CHD7: variants seen among roughly 807,000 people sequenced by gnomAD.
CHD7 encodes the protein chromodomain helicase DNA binding protein 7.
In CHD7, 24 loss-of-function variants were observed where a neutral mutation model predicts 307.3. The observed-to-expected ratio is 0.08, with a 90% CI of 0.06 to 0.11. The LOEUF (loss-of-function observed/expected upper bound fraction) is 0.11, where lower values mean the gene tolerates loss of function less well. CHD7 is among the 10% of genes least tolerant of loss of function. The pLI is 1.00. For missense variants in CHD7, 3,106 were observed against 3,727.1 expected, an observed-to-expected ratio of 0.83 and a Z score of 4.34; for synonymous variants, 1,363 against 1,349.9, an observed-to-expected ratio of 1.01 and a Z score of -0.21.
intron 1 of CHD7, among the ~76,000 whole-genome samples, chr8:60,696,414 T>C (rs1462854708): frequency 6.6e-6 from 1 of 152,238 alleles, no homozygotes; most frequent in Non-Finnish European, 1.5e-5. Flanking sequence ...ACTAGTTCTA[T>C]GTGACTTACT....
Position 60,816,480 on chromosome 8 carries a change from C to A in CHD7, c.2592C>A (p.Gly864=). The change falls in exon 8 of 38, where the codon GGC becomes GGA. Residue 864 remains glycine, a synonymous_variant. Transcript: ENST00000423902. ...QKIKRFKAKQ[G]QNKFLSEIED... is the part of the protein sequence containing the mutation. ...TTAAACGATTTAAGGCAAAGCAGGG[C>A]CAGAACAAGTTCCTTTCAGAGGTAC... 2 of 1,604,150 alleles carry A rather than the reference C, an allele frequency of 1.2e-6. No homozygotes were observed. Among genetic ancestry groups the A allele is most frequent in the African/African-American group, 1.3e-5 (1 of 74,782 alleles).
chr8:60,738,254 A>G (rs2150572603), intron 1 of CHD7, among the ~76,000 whole-genome samples: 1 of 152,364 alleles, frequency 6.6e-6, no homozygotes, highest in South Asian at 2.1e-4. Context: ...ATACCAAAAT[A>G]CGTAAACTAG....
intron 2 of CHD7, among the ~76,000 whole-genome samples, chr8:60,764,537 C>A (rs2150628985): frequency 6.6e-6 from 1 of 152,266 alleles, no homozygotes; most frequent in East Asian, 1.9e-4. Flanking sequence ...GCAATTAGTT[C>A]ATGGCAGAAA....
rs1210884047 is a variant in CHD7, at chr8:60,742,975, C to A, written c.1543C>A (p.Pro515Thr). The part of the protein sequence containing the change: ...QPSFQQLPTC[P>T]PLQPHPGLHH... ...ATCTTTTCAGCAGTTGCCAACCTGTCCTCCACTGCAGCCTCACCCGGGCTT... is the reference window on the plus strand; with the variant it reads ...ATCTTTTCAGCAGTTGCCAACCTGTACTCCACTGCAGCCTCACCCGGGCTT... Residue 515 changes from proline to threonine, a missense_variant, in exon 2 of 38, where the codon CCT becomes ACT. This residue lies in a region of CHD7 where 998 missense variants were observed against 1,004.5 expected (regional missense o/e 0.99). Coordinates refer to ENST00000423902, the MANE Select transcript of CHD7 (RefSeq NM_017780.4). The A allele has an allele frequency of 6.2e-7, 1 of 1,613,632 alleles. No homozygotes were observed. Among genetic ancestry groups the A allele is most frequent in the Admixed American group, 1.7e-5 (1 of 59,978 alleles).
chr8:60,821,900 G>A lies in CHD7; in HGVS notation c.2808G>A (p.Met936Ile), dbSNP rs1202493308. The part of the protein sequence containing the change: ...QAKIEEFEKL[M>I]SREPETERVE... Reference sequence around the variant, plus strand: ...AGATCGAGGAGTTTGAGAAACTAATGTCCAGGGAGCCGGAAACAGAGCGTG... The same window carrying A: ...AGATCGAGGAGTTTGAGAAACTAATATCCAGGGAGCCGGAAACAGAGCGTG... The change falls in exon 10 of 38, where the codon ATG becomes ATA. Residue 936 changes from methionine (M) to isoleucine (I), a missense_variant. Physicochemically the swap from Met to Ile is conservative, Grantham distance 10. Coordinates refer to ENST00000423902, the MANE Select transcript of CHD7 (RefSeq NM_017780.4). 1.2e-6 allele frequency: 2 copies of A among 1,612,638 alleles called. No individual in the cohort carries two copies. Among genetic ancestry groups the A allele is most frequent in the East Asian group, 2.2e-5 (1 of 44,842 alleles).
chr8:60,716,144 C>T (rs928381227), intron 1 of CHD7, among the ~76,000 whole-genome samples: 1 of 152,222 alleles, frequency 6.6e-6, no homozygotes, highest in Non-Finnish European at 1.5e-5. Context: ...GATACCTTTT[C>T]TCTCCACTTC....
chr8:60,853,205 T>A lies in CHD7; in HGVS notation c.6480T>A (p.Ala2160=), dbSNP rs746037662. The A allele has an allele frequency of 6.2e-7, 1 of 1,613,828 alleles. No homozygotes were observed. Among genetic ancestry groups the A allele is most frequent in the East Asian group, 2.2e-5 (1 of 44,886 alleles). The part of the protein sequence containing the change: ...FVQTPPVISS[A]HIQDERVLEQ... ...AGACTCCTCCAGTCATCTCATCTGC[T>A]CATATTCAAGATGAGAGGGTACTGG... Residue 2160 remains alanine, a synonymous_variant, in exon 31 of 38, where the codon GCT becomes GCA. Coordinates refer to ENST00000423902, the MANE Select transcript of CHD7 (RefSeq NM_017780.4).
intron 1 of CHD7, among the ~76,000 whole-genome samples, chr8:60,683,726 G>C (rs1255183061): frequency 6.6e-6 from 1 of 152,162 alleles, no homozygotes; most frequent in Non-Finnish European, 1.5e-5. Flanking sequence ...TGTGTTCCTG[G>C]TGCCTAGCAT....
chr8:60,821,858 G>A lies in CHD7; in HGVS notation c.2766G>A (p.Gln922=). ...AAGACAGCACGTGGGAGCGGAGGCA[G>A]GACATAGATCAAGCAAAGATCGAGG... ...PYEDSTWERR[Q]DIDQAKIEEF... The change falls in exon 10 of 38, where the codon CAG becomes CAA. Residue 922 remains glutamine (Q), a synonymous_variant. Coordinates refer to ENST00000423902, the MANE Select transcript of CHD7 (RefSeq NM_017780.4). The A allele has an allele frequency of 1.2e-6, 2 of 1,602,546 alleles. No homozygotes were observed. The highest frequency in any genetic ancestry group is 1.7e-6 in the Non-Finnish European group (2 of 1,174,046).
intron 7 of CHD7, among the ~76,000 whole-genome samples, chr8:60,810,273 A>AG (rs567614283): frequency 3.8e-4 from 58 of 150,838 alleles, no homozygotes; most frequent in South Asian, 1.5e-3. Flanking sequence ...TTTTCAGTGA[A>AG]GGGGGGGGCA....
At position 60,741,921 on chromosome 8, in the gene CHD7, G is replaced by GCCA; in HGVS notation, c.490_491insCAC (p.Gln163_Gln164insPro). On this transcript the variant is annotated inframe_insertion, in exon 2 of 38. Coordinates refer to ENST00000423902, the MANE Select transcript of CHD7 (RefSeq NM_017780.4). ...AGATACGAGCCCCCTACCAGCAGCA[G>GCCA]CAGCCACAGCCGCAGCCACCGCAGC... The GCCA allele has an allele frequency of 6.2e-7, 1 of 1,612,906 alleles. No homozygotes were observed. The highest frequency in any genetic ancestry group is 1.1e-5 in the South Asian group (1 of 91,014).
chr8:60,712,364 AT>A (rs904807488), intron 1 of CHD7, among the ~76,000 whole-genome samples: 10 of 152,214 alleles, frequency 6.6e-5, no homozygotes, highest in Non-Finnish European at 1.2e-4. Context: ...GGGAAAAATA[AT>A]AGGAAAAAAG....
At chr8:60,858,092 C>CTACAAT (rs1377778965) in intron 34 of CHD7, among the ~76,000 whole-genome samples, 1 of 152,168 alleles carries the variant, frequency 6.6e-6, no homozygotes, top group African/African-American at 2.4e-5. Flanking sequence ...CTTTTCTCTA[C>CTACAAT]TACAATTATA....
At chr8:60,794,955 T>C in intron 3 of CHD7, 31 bp from the exon 4 acceptor site, 1 of 1,595,494 alleles carries the variant, frequency 6.3e-7, no homozygotes, top group East Asian at 2.2e-5. Flanking sequence ...ACATTAAAAG[T>C]GAACACTAAG....
intron 1 of CHD7, among the ~76,000 whole-genome samples, chr8:60,739,984 G>T (rs1586244542): frequency 6.6e-6 from 1 of 152,234 alleles, no homozygotes; most frequent in East Asian, 1.9e-4. Context: ...AAATTCCAAA[G>T]ATGTTTAAGA....
intron 36 of CHD7, 103 bp from the exon 37 acceptor site, chr8:60,862,445 G>A (rs536842962): frequency 2.1e-5 from 30 of 1,455,308 alleles, no homozygotes; most frequent in South Asian, 1.8e-4. Flanking sequence ...GCCCGAATGC[G>A]TGTGTGCGTG....
rs771806027 is a variant in CHD7 at position 60,865,894 on chromosome 8, T to TGG, written c.8961_8962dup (p.Asp2988GlyfsTer4). ...AGGGTGAAGAGCTAGACTCACTTGA[T>TGG]GGGGGGGATGAAATAGAAAACAATG... On this transcript the variant is annotated frameshift_variant, in exon 38 of 38. Coordinates refer to ENST00000423902, the MANE Select transcript of CHD7 (RefSeq NM_017780.4). LOFTEE classifies it high-confidence loss of function. The surrounding 1 kb of genome is among the most constrained non-coding windows in gnomAD (Gnocchi z 4.3). 6.2e-7 allele frequency: 1 copy of TGG among 1,609,282 alleles called. No homozygotes were observed. Among genetic ancestry groups the TGG allele is most frequent in the Non-Finnish European group, 8.5e-7 (1 of 1,177,760 alleles).
intron 36 of CHD7, 81 bp downstream of exon 36, chr8:60,862,417 G>T: frequency 6.6e-7 from 1 of 1,511,942 alleles, no homozygotes; most frequent in Non-Finnish European, 8.9e-7. Context: ...TCTTCTATAG[G>T]GGAAAAGAAT....
intron 32 of CHD7, among the ~76,000 whole-genome samples, chr8:60,855,577 G>T (rs1398974491): frequency 6.6e-6 from 1 of 152,178 alleles, no homozygotes; most frequent in Non-Finnish European, 1.5e-5. Flanking sequence ...GGCCAGGGCG[G>T]CAAGAAGCTA....
Sources: gnomAD v4.1 joint callset for allele counts (sites outside exome capture counted in the v4.1 genomes callset) on GRCh38, gnomAD v4.1.1 for gene constraint, gnomAD v4.1.1 regional missense constraint, Gnocchi (gnomAD v3.1) non-coding constraint, MANE v1.5 for transcripts, NCBI Gene and HGNC (gene_info 2026-07-23, HGNC 2026-07-21) for gene names.